Variants in SLC2A13 observed in about 807,000 individuals in gnomAD.
SLC2A13 encodes proton myo-inositol cotransporter.
Under a neutral mutation model 64.4 loss-of-function variants are expected in SLC2A13, and 32 were observed. The ratio of observed to expected loss-of-function variants is 0.50; its 90% CI spans 0.37 to 0.67. The LOEUF is 0.67. Ranked by LOEUF, SLC2A13 falls within the 30% of genes least tolerant of loss-of-function variation. SLC2A13 has a pLI of 0.00. For synonymous variants in SLC2A13, 338 were observed against 327.1 expected (o/e 1.03, Z -0.36); for missense variants, 743 against 829.2 (o/e 0.90, Z 1.28).
At chr12:39,783,986 G>T (rs1221991272) in intron 7 of SLC2A13, among the ~76,000 whole-genome samples, 1 of 152,158 alleles carries the variant, frequency 6.6e-6, no homozygotes, top group Non-Finnish European at 1.5e-5. Context: ...TTGCTTCAAA[G>T]AGAATAAAAT....
intron 1 of SLC2A13, among the ~76,000 whole-genome samples, chr12:40,090,545 T>A (rs1383151746): frequency 6.6e-6 from 1 of 152,178 alleles, no homozygotes. Context: ...AGGCAAAGTT[T>A]TAATGCTTAT....
At chr12:40,024,555 C>T (rs1947773313) in intron 3 of SLC2A13, among the ~76,000 whole-genome samples, 1 of 152,148 alleles carries the variant, frequency 6.6e-6, no homozygotes. Context: ...TTTTCATTCC[C>T]TCTATAAGCA....
intron 3 of SLC2A13, among the ~76,000 whole-genome samples, chr12:39,996,151 A>C (rs953419278): frequency 5.9e-5 from 9 of 152,192 alleles, no homozygotes; most frequent in Non-Finnish European, 1.3e-4. Context: ...GGAGATGAAG[A>C]ACTTATTGCG....
At chr12:40,017,231 A>G (rs1156648641) in intron 3 of SLC2A13, among the ~76,000 whole-genome samples, 1 of 152,222 alleles carries the variant, frequency 6.6e-6, no homozygotes, top group Non-Finnish European at 1.5e-5. Context: ...TGTATCTGGC[A>G]ATGAGGATAC....
At chr12:39,893,125 A>G (rs1022346929) in intron 4 of SLC2A13, among the ~76,000 whole-genome samples, 1 of 152,164 alleles carries the variant, frequency 6.6e-6, no homozygotes, top group African/African-American at 2.4e-5. Flanking sequence ...AAATGAAAAA[A>G]CCCAATGAGA....
At chr12:39,869,203 A>T (rs1943981149) in intron 5 of SLC2A13, among the ~76,000 whole-genome samples, 1 of 152,212 alleles carries the variant, frequency 6.6e-6, no homozygotes, top group Non-Finnish European at 1.5e-5. Flanking sequence ...GTGAAAGAAA[A>T]ATCAATTGTG....
At chr12:39,776,740 C>CT (rs972367798) in intron 7 of SLC2A13, among the ~76,000 whole-genome samples, 2 of 139,186 alleles carry the variant, frequency 1.4e-5, no homozygotes, top group African/African-American at 2.7e-5. Context: ...ATTTTTCTTT[C>CT]TTTTTTTTAA....
chr12:39,911,058 T>C (rs1258964458), intron 4 of SLC2A13, among the ~76,000 whole-genome samples: 1 of 152,074 alleles, frequency 6.6e-6, no homozygotes, highest in Non-Finnish European at 1.5e-5. Context: ...CATTCTAGCC[T>C]GGGCAACAAG....
At position 39,920,629 on chromosome 12, in the gene SLC2A13, G is replaced by A. The variant is rs571634115; in HGVS notation, c.1034+30628C>T. ...AGTTACAAGATCTGGGGTGAAGTCC[G>A]ATGCTGAATCCCAATTATATCAATC... On this transcript the variant is annotated intron_variant, in intron 4 of 9. Transcript: ENST00000280871. Among the ~76,000 whole-genome samples the A allele has an allele frequency of 2.6e-5, 4 of 152,152 alleles. No individual in the cohort carries two copies. In the South Asian group the frequency reaches 6.2e-4, roughly 24 times the overall value.
intron 4 of SLC2A13, among the ~76,000 whole-genome samples, chr12:39,935,518 G>C (rs573195042): frequency 3.9e-5 from 6 of 152,324 alleles, no homozygotes; most frequent in African/African-American, 1.4e-4. Context: ...AAAACAGTCA[G>C]TAGTAACTAA....
At chr12:39,815,594 T>C (rs1942316848) in intron 7 of SLC2A13, among the ~76,000 whole-genome samples, 1 of 152,164 alleles carries the variant, frequency 6.6e-6, no homozygotes, top group Non-Finnish European at 1.5e-5. Flanking sequence ...GTTTCTAGTT[T>C]GGGGGACGGT....
rs550589792 is a variant in SLC2A13, at chr12:39,906,121, C to A, written c.1035-34160G>T. Among the ~76,000 whole-genome samples, 22 of 16,544 alleles carry A rather than the reference C, an allele frequency of 1.3e-3. No homozygotes were observed. In the East Asian group the frequency reaches 0.05, roughly 37 times the overall value. 10.9% of individuals were successfully genotyped at this position (16,544 alleles called of 152,430 possible). ...TATGTTGGACAAAATCTAATTCTTG[C>A]AGATACAGAACTTTGAACTTTGTTT... On this transcript the variant is annotated intron_variant, in intron 4 of 9. Coordinates refer to ENST00000280871, the MANE Select transcript of SLC2A13 (RefSeq NM_052885.4).
At chr12:39,950,959 C>T in intron 4 of SLC2A13, 1 of 371,428 alleles carries the variant, frequency 2.7e-6, no homozygotes. Flanking sequence ...CAAGAAATGG[C>T]TTAGAAAAAA....
chr12:39,876,935 G>A (rs1050483399), intron 4 of SLC2A13, among the ~76,000 whole-genome samples: 2 of 152,138 alleles, frequency 1.3e-5, no homozygotes, highest in Admixed American at 6.5e-5. Flanking sequence ...TTTATTGACT[G>A]TAAGACCTTA....
chr12:39,847,359 C>T (rs1943347055), intron 6 of SLC2A13, among the ~76,000 whole-genome samples: 1 of 152,124 alleles, frequency 6.6e-6, no homozygotes, highest in South Asian at 2.1e-4. Flanking sequence ...CACCTCCCTC[C>T]TCCCGACTGC....
chr12:40,025,728 A>C (rs1947792462), intron 3 of SLC2A13, among the ~76,000 whole-genome samples: 1 of 152,132 alleles, frequency 6.6e-6, no homozygotes. Flanking sequence ...CCCAGGCTTG[A>C]TGTTGTGGAT....
intron 4 of SLC2A13, among the ~76,000 whole-genome samples, chr12:39,946,258 T>C (rs1451086070): frequency 6.6e-6 from 1 of 151,932 alleles, no homozygotes; most frequent in Non-Finnish European, 1.5e-5. Flanking sequence ...CCAGTGGAGG[T>C]TGTGGGGAGC....
At chr12:39,851,392 TA>T (rs1261792872) in intron 6 of SLC2A13, among the ~76,000 whole-genome samples, 5 of 152,214 alleles carry the variant, frequency 3.3e-5, no homozygotes, top group Non-Finnish European at 7.4e-5. Flanking sequence ...GAATGAGAAT[TA>T]AAAAATGCAT....
intron 3 of SLC2A13, among the ~76,000 whole-genome samples, chr12:39,976,362 C>G (rs1946757507): frequency 6.6e-6 from 1 of 152,106 alleles, no homozygotes; most frequent in East Asian, 1.9e-4. Flanking sequence ...TGGCACTTAC[C>G]AAAGTAGACA....
Sources: gnomAD v4.1 joint callset for allele counts (sites outside exome capture counted in the v4.1 genomes callset) on GRCh38, gnomAD v4.1.1 for gene constraint, MANE v1.5 for transcripts, NCBI Gene and HGNC (gene_info 2026-07-23, HGNC 2026-07-21) for gene names.